The following AFF2 variants were observed in gnomAD, a reference collection of about 807,000 sequenced individuals.
AFF2 encodes ALF transcription elongation factor 2.
Under a neutral mutation model 76.9 loss-of-function variants are expected in AFF2, and 14 were observed. The observed-to-expected ratio is 0.18, with a 90% CI of 0.12 to 0.28. The LOEUF (loss-of-function observed/expected upper bound fraction) is 0.28. AFF2 is among the 10% of genes least tolerant of loss of function. AFF2 has a pLI of 1.00. For synonymous variants in AFF2, 398 were observed against 366.7 expected (o/e 1.09, Z -0.98); for missense variants, 868 against 1,001.1 (o/e 0.87, Z 1.79).
chrX:148,880,781 C>T (rs1557278393), intron 7 of AFF2, among the ~76,000 whole-genome samples: 1 of 111,798 alleles, frequency 8.9e-6, no homozygotes. Context: ...CTGGTTCTGT[C>T]TCCAACATCA....
At chrX:148,591,324 A>G (rs1285653447) in intron 1 of AFF2, among the ~76,000 whole-genome samples, 1 of 111,811 alleles carries the variant, frequency 8.9e-6, no homozygotes, top group Non-Finnish European at 1.9e-5. Context: ...CTTCTGGCTT[A>G]ACTCTAGGGT....
chrX:148,634,163 C>T (rs17278436), intron 1 of AFF2, among the ~76,000 whole-genome samples: 19,922 of 111,090 alleles, frequency 0.18, 1,835 homozygotes, highest in East Asian at 0.63. Flanking sequence ...TTCATGTTCC[C>T]GATTTGAACT....
chrX:148,747,014 T>C (rs1273314606), intron 3 of AFF2, among the ~76,000 whole-genome samples: 9 of 112,310 alleles, frequency 8.0e-5, no homozygotes, highest in Non-Finnish European at 1.7e-4. Flanking sequence ...CATTAGATAT[T>C]TGATTATTTC....
At chrX:148,983,965 A>AAAAAAAAAAAAAC (rs1438744109) in intron 19 of AFF2, among the ~76,000 whole-genome samples, 2 of 99,775 alleles carry the variant, frequency 2.0e-5, no homozygotes, top group African/African-American at 7.7e-5. Flanking sequence ...AAAAAAAAAA[A>AAAAAAAAAAAAAC]AAACTGCCCT....
Position 148,871,094 on chromosome X carries a change from G to A in AFF2, c.1263-14795G>A, listed in dbSNP as rs181688901. 9.0e-5 allele frequency among the ~76,000 whole-genome samples: 10 copies of A among 111,447 alleles called. No homozygotes were observed. The Admixed American group carries it at 9.5e-4, about 11-fold the overall frequency. On this transcript the variant is annotated intron_variant, in intron 7 of 20. Transcript: ENST00000370460. ...TGGGGAGCGGGTGGGGGGCAGTGAT[G>A]ATGCCCTCTGCATGAGAAAAAGCAG...
intron 3 of AFF2, among the ~76,000 whole-genome samples, chrX:148,762,107 A>C (rs782571123): frequency 2.4e-4 from 26 of 109,881 alleles, no homozygotes; most frequent in Non-Finnish European, 4.2e-4. Flanking sequence ...ACATGAATAA[A>C]TTTTTTAGTG....
At chrX:148,814,398 G>T (rs185732779) in intron 4 of AFF2, among the ~76,000 whole-genome samples, 2 of 112,247 alleles carry the variant, frequency 1.8e-5, no homozygotes, top group East Asian at 5.6e-4. Flanking sequence ...AAGAAACTAT[G>T]AAATCCTTTC....
At chrX:148,813,098 G>A (rs1425787600) in intron 4 of AFF2, among the ~76,000 whole-genome samples, 3 of 112,404 alleles carry the variant, frequency 2.7e-5, no homozygotes, top group African/African-American at 9.7e-5. Flanking sequence ...CTTGAACCTC[G>A]TTGTCTTATT....
At chrX:148,768,148 C>G (rs1034561863) in intron 3 of AFF2, among the ~76,000 whole-genome samples, 11 of 108,568 alleles carry the variant, frequency 1.0e-4, no homozygotes, top group Non-Finnish European at 1.7e-4. Flanking sequence ...TGTCTCTCTT[C>G]TGAAGTTTGT....
chrX:148,973,183 C>T (rs1310153154), intron 15 of AFF2, among the ~76,000 whole-genome samples: 6 of 111,635 alleles, frequency 5.4e-5, no homozygotes, highest in African/African-American at 2.0e-4. Flanking sequence ...CCAATTCATA[C>T]ATTGTCTTCT....
chrX:148,920,360 T>C (rs2071579076), intron 9 of AFF2, among the ~76,000 whole-genome samples: 2 of 111,810 alleles, frequency 1.8e-5, no homozygotes, highest in African/African-American at 6.5e-5. Flanking sequence ...CCAAGATTTG[T>C]AAAAGGTTAG....
intron 3 of AFF2, among the ~76,000 whole-genome samples, chrX:148,751,377 A>G (rs1244373513): frequency 8.9e-6 from 1 of 112,242 alleles, no homozygotes; most frequent in Non-Finnish European, 1.9e-5. Context: ...TATTCCCTCT[A>G]TGCAATAGTT....
chrX:148,581,854 ATACTT>A (rs2053418071), intron 1 of AFF2, among the ~76,000 whole-genome samples: 1 of 112,009 alleles, frequency 8.9e-6, no homozygotes, highest in African/African-American at 3.2e-5. Context: ...ATCTATCTAA[ATACTT>A]TAATCTAAAG....
chrX:148,725,636 C>T (rs1338038065), intron 3 of AFF2, among the ~76,000 whole-genome samples: 2 of 111,924 alleles, frequency 1.8e-5, no homozygotes, highest in South Asian at 3.7e-4. Flanking sequence ...TCTCCCTTTT[C>T]CTGTTCTCTT....
intron 1 of AFF2, among the ~76,000 whole-genome samples, chrX:148,530,157 A>G (rs374301761): frequency 9.0e-5 from 10 of 111,622 alleles, no homozygotes; most frequent in Admixed American, 1.9e-4. Context: ...ATGTGTGTCA[A>G]TTATCCAGGA....
intron 1 of AFF2, among the ~76,000 whole-genome samples, chrX:148,581,027 G>GTATA (rs1491337173): frequency 2.8e-5 from 1 of 35,352 alleles, no homozygotes; most frequent in East Asian, 0.014. Flanking sequence ...AAACATATGT[G>GTATA]TATATATACA....
At chrX:148,560,038 CT>C (rs1557240313) in intron 1 of AFF2, among the ~76,000 whole-genome samples, 1 of 111,593 alleles carries the variant, frequency 9.0e-6, no homozygotes, top group Non-Finnish European at 1.9e-5. Flanking sequence ...TGATGGTGAG[CT>C]TTTTTTTCAT....
At chrX:148,661,704 G>A (rs181179040) in intron 2 of AFF2, among the ~76,000 whole-genome samples, 44 of 111,625 alleles carry the variant, frequency 3.9e-4, no homozygotes, top group Middle Eastern at 9.3e-3. Flanking sequence ...AATCATACCC[G>A]CTCATTCCAG....
intron 1 of AFF2, among the ~76,000 whole-genome samples, chrX:148,517,025 A>G (rs1346398929): frequency 8.9e-6 from 1 of 112,027 alleles, no homozygotes; most frequent in East Asian, 2.8e-4. Flanking sequence ...TCCTGAAGAG[A>G]GGAATAGGCA....
Sources: gnomAD v4.1 joint callset for allele counts (sites outside exome capture counted in the v4.1 genomes callset) on GRCh38, gnomAD v4.1.1 for gene constraint, MANE v1.5 for transcripts, NCBI Gene and HGNC (gene_info 2026-07-23, HGNC 2026-07-21) for gene names.